The following CDH12 variants were observed in gnomAD, a reference collection of about 807,000 sequenced individuals.
CDH12 encodes cadherin 12, also known as cadherin-12.
In CDH12, 41 loss-of-function variants were observed where a neutral mutation model predicts 74.1. The ratio of observed to expected loss-of-function variants is 0.55; its 90% CI spans 0.43 to 0.72. The LOEUF (loss-of-function observed/expected upper bound fraction) is 0.72. Among genes scored for constraint, CDH12 ranks in the 30% least tolerant of loss-of-function variants. The pLI, the probability that CDH12 is intolerant of heterozygous loss-of-function variation, is 0.00. For missense variants in CDH12, 945 were observed against 977.2 expected (o/e 0.97, Z 0.44); for synonymous variants, 399 against 355.0 (o/e 1.12, Z -1.39).
intron 2 of CDH12, among the ~76,000 whole-genome samples, chr5:22,492,640 T>C (rs1317205734): frequency 1.3e-5 from 2 of 152,060 alleles, no homozygotes; most frequent in East Asian, 3.9e-4. Context: ...AGCCACAGCA[T>C]CCAGCCTGAT....
intron 4 of CDH12, among the ~76,000 whole-genome samples, chr5:22,140,036 A>G (rs1746697196): frequency 6.6e-6 from 1 of 152,122 alleles, no homozygotes; most frequent in South Asian, 2.1e-4. Flanking sequence ...ACGTGTTGCC[A>G]AACAAATCCC....
At chr5:22,271,287 G>T (rs34702152) in intron 3 of CDH12, among the ~76,000 whole-genome samples, 5 of 151,932 alleles carry the variant, frequency 3.3e-5, no homozygotes, top group Non-Finnish European at 5.9e-5. Context: ...TCATCCGTTG[G>T]AAGCAATTCC....
intron 1 of CDH12, among the ~76,000 whole-genome samples, chr5:22,730,141 T>C (rs1744360215): frequency 1.3e-5 from 2 of 151,824 alleles, no homozygotes; most frequent in African/African-American, 4.8e-5. Context: ...CTGATATCAA[T>C]TCTGCCAGTA....
intron 1 of CDH12, among the ~76,000 whole-genome samples, chr5:22,772,751 T>C (rs1746876838): frequency 6.6e-6 from 1 of 152,108 alleles, no homozygotes; most frequent in Admixed American, 6.6e-5. Context: ...AGTGTATTTG[T>C]ATAAGTTTGT....
intron 3 of CDH12, among the ~76,000 whole-genome samples, chr5:22,248,885 A>C (rs1379710714): frequency 6.6e-6 from 1 of 152,084 alleles, no homozygotes; most frequent in East Asian, 1.9e-4. Flanking sequence ...TAAATATAAA[A>C]ATATTCAGAA....
At chr5:22,570,215 C>T (rs996467569) in intron 1 of CDH12, among the ~76,000 whole-genome samples, 1 of 151,850 alleles carries the variant, frequency 6.6e-6, no homozygotes, top group African/African-American at 2.4e-5. Context: ...ACCACCACAC[C>T]TGGCTAATTT....
At chr5:22,491,409 T>C (rs1013994651) in intron 2 of CDH12, among the ~76,000 whole-genome samples, 1 of 152,092 alleles carries the variant, frequency 6.6e-6, no homozygotes, top group African/African-American at 2.4e-5. Flanking sequence ...TTTATTTGGA[T>C]TCCATTTAAG....
chr5:21,886,478 A>G (rs1752636854), intron 6 of CDH12, among the ~76,000 whole-genome samples: 1 of 147,092 alleles, frequency 6.8e-6, no homozygotes, highest in Non-Finnish European at 1.5e-5. Context: ...ATATATGAGG[A>G]AAAATAGTAA....
At chr5:22,617,773 T>C (rs1737763136) in intron 1 of CDH12, among the ~76,000 whole-genome samples, 1 of 152,154 alleles carries the variant, frequency 6.6e-6, no homozygotes, top group Admixed American at 6.6e-5. Flanking sequence ...AGAAGTAACT[T>C]ATTCCAATCC....
At chr5:22,821,557 G>A (rs1252875577) in intron 1 of CDH12, among the ~76,000 whole-genome samples, 1 of 152,088 alleles carries the variant, frequency 6.6e-6, no homozygotes, top group Non-Finnish European at 1.5e-5. Context: ...TAAAATCAAT[G>A]TACAAAAATC....
At chr5:22,221,781 T>A (rs1414962479) in intron 3 of CDH12, among the ~76,000 whole-genome samples, 2 of 151,954 alleles carry the variant, frequency 1.3e-5, no homozygotes, top group African/African-American at 4.8e-5. Context: ...AATTGATATG[T>A]CACTCATTTG....
intron 4 of CDH12, among the ~76,000 whole-genome samples, chr5:22,162,132 C>T (rs1748386873): frequency 6.6e-6 from 1 of 151,226 alleles, no homozygotes. Flanking sequence ...AACTGGTGGT[C>T]ATATATAAAA....
At chr5:22,560,178 T>C (rs2126747781) in intron 1 of CDH12, among the ~76,000 whole-genome samples, 1 of 152,316 alleles carries the variant, frequency 6.6e-6, no homozygotes, top group Admixed American at 6.5e-5. Context: ...TTTCAGTTAC[T>C]CATGGACAAC....
intron 1 of CDH12, among the ~76,000 whole-genome samples, chr5:22,832,354 G>C (rs1736653576): frequency 6.6e-6 from 1 of 152,174 alleles, no homozygotes; most frequent in Non-Finnish European, 1.5e-5. Flanking sequence ...ATATTGGGAG[G>C]ATGGGAGTAA....
At chr5:22,514,064 A>G (rs115593334) in intron 1 of CDH12, among the ~76,000 whole-genome samples, 2,707 of 151,776 alleles carry the variant, frequency 0.018, 84 homozygotes, top group African/African-American at 0.063. Context: ...TAATAAAATG[A>G]TAGCAATATT....
At chr5:22,160,428 G>A (rs551520655) in intron 4 of CDH12, among the ~76,000 whole-genome samples, 3 of 152,086 alleles carry the variant, frequency 2.0e-5, no homozygotes, top group African/African-American at 4.8e-5. Flanking sequence ...TCACATGAAC[G>A]TTGTTTAGCA....
intron 3 of CDH12, among the ~76,000 whole-genome samples, chr5:22,239,665 G>A (rs985481945): frequency 4.6e-5 from 7 of 151,994 alleles, no homozygotes; most frequent in South Asian, 2.1e-4. Context: ...GTCGTTTAAC[G>A]GTGTTGAGGA....
At chr5:22,018,399 A>C (rs895240687) in intron 5 of CDH12, among the ~76,000 whole-genome samples, 1 of 151,710 alleles carries the variant, frequency 6.6e-6, no homozygotes, top group African/African-American at 2.4e-5. Context: ...TGGATTAATG[A>C]AGATAACTGG....
At chr5:22,301,045 T>A (rs945396879) in intron 3 of CDH12, among the ~76,000 whole-genome samples, 1 of 100,990 alleles carries the variant, frequency 9.9e-6, no homozygotes, top group Admixed American at 1.2e-4. Context: ...ATTTCATTCA[T>A]AATAGCAGTG....
Sources: allele counts gnomAD v4.1 joint callset (sites outside exome capture counted in the v4.1 genomes callset), GRCh38; gene constraint gnomAD v4.1.1; transcripts MANE v1.5; gene names NCBI Gene and HGNC (gene_info 2026-07-23, HGNC 2026-07-21).